NR6A1: variants seen among roughly 807,000 people sequenced by gnomAD.
The protein encoded by NR6A1 is retinoic acid receptor-related testis-associated receptor.
Under a neutral mutation model 59.1 loss-of-function variants are expected in NR6A1, and 7 were observed. The ratio of observed to expected loss-of-function variants is 0.12; its 90% CI spans 0.07 to 0.22. The LOEUF (loss-of-function observed/expected upper bound fraction) is 0.22, where lower values mean the gene tolerates loss of function less well. Among genes scored for constraint, NR6A1 ranks in the 10% least tolerant of loss-of-function variants. The pLI is 1.00. For missense variants in NR6A1, 468 were observed against 611.6 expected (o/e 0.77, Z 2.48); for synonymous variants, 243 against 236.1 (o/e 1.03, Z -0.27).
chr9:124,745,100 G>A (rs1426279003), intron 1 of NR6A1, among the ~76,000 whole-genome samples: 2 of 152,054 alleles, frequency 1.3e-5, no homozygotes, highest in Non-Finnish European at 2.9e-5. Context: ...TCAAACACAG[G>A]AAAATGATTA....
chr9:124,652,084 C>T (rs1293590118), intron 2 of NR6A1, among the ~76,000 whole-genome samples: 3 of 152,136 alleles, frequency 2.0e-5, no homozygotes, highest in East Asian at 1.9e-4. Flanking sequence ...TATTGAAAAG[C>T]GACTGCATGA....
chr9:124,642,584 C>T (rs1159534808), intron 2 of NR6A1, among the ~76,000 whole-genome samples: 4 of 152,184 alleles, frequency 2.6e-5, no homozygotes, highest in African/African-American at 9.7e-5. Context: ...TTTCTATCCC[C>T]TGTCGTGACA....
intron 2 of NR6A1, among the ~76,000 whole-genome samples, chr9:124,723,519 A>G (rs894907131): frequency 6.6e-6 from 1 of 152,218 alleles, no homozygotes; most frequent in Non-Finnish European, 1.5e-5. Flanking sequence ...GAACACGCCC[A>G]ATCTCATCTG....
At chr9:124,721,004 A>C (rs1241446443) in intron 2 of NR6A1, among the ~76,000 whole-genome samples, 1 of 152,226 alleles carries the variant, frequency 6.6e-6, no homozygotes, top group Non-Finnish European at 1.5e-5. Flanking sequence ...ATGTTTATTA[A>C]AAGTCTTTGT....
chr9:124,724,706 G>A (rs930363885), intron 2 of NR6A1, among the ~76,000 whole-genome samples: 1 of 152,196 alleles, frequency 6.6e-6, no homozygotes, highest in African/African-American at 2.4e-5. Context: ...TTCTGAAATA[G>A]ATAATAAGAG....
At chr9:124,724,404 T>A (rs1839652385) in intron 2 of NR6A1, among the ~76,000 whole-genome samples, 1 of 147,692 alleles carries the variant, frequency 6.8e-6, no homozygotes, top group Admixed American at 6.7e-5. Context: ...TACACCAAGA[T>A]CCTCAACCAG....
At chr9:124,705,352 T>C (rs1037412260) in intron 2 of NR6A1, among the ~76,000 whole-genome samples, 7 of 152,342 alleles carry the variant, frequency 4.6e-5, no homozygotes, top group Admixed American at 3.9e-4. Context: ...TCTGTCAGTT[T>C]TTGCTTCGTG....
intron 2 of NR6A1, among the ~76,000 whole-genome samples, chr9:124,593,263 G>C (rs1475012988): frequency 6.6e-6 from 1 of 152,194 alleles, no homozygotes; most frequent in Non-Finnish European, 1.5e-5. Context: ...TAGCTCAGTT[G>C]AAGTTTCGAG....
intron 2 of NR6A1, among the ~76,000 whole-genome samples, chr9:124,587,406 A>G (rs1466638793): frequency 6.6e-6 from 1 of 152,210 alleles, no homozygotes; most frequent in East Asian, 1.9e-4. Flanking sequence ...TCCAGATGAC[A>G]AACTGGTGAG....
chr9:124,574,183 G>C (rs1237100639), intron 2 of NR6A1, among the ~76,000 whole-genome samples: 2 of 152,324 alleles, frequency 1.3e-5, no homozygotes, highest in East Asian at 3.9e-4. Flanking sequence ...ACTTAGCAAA[G>C]TAGGTGCTCA....
intron 2 of NR6A1, among the ~76,000 whole-genome samples, chr9:124,618,078 G>A (rs998051595): frequency 2.0e-5 from 3 of 152,168 alleles, no homozygotes; most frequent in African/African-American, 7.2e-5. Context: ...GAATGGAAAG[G>A]GCAAACCTAC....
intron 2 of NR6A1, among the ~76,000 whole-genome samples, chr9:124,679,930 A>G (rs1179787238): frequency 6.6e-6 from 1 of 151,962 alleles, no homozygotes; most frequent in Non-Finnish European, 1.5e-5. Flanking sequence ...AAGAGTTTAA[A>G]AAAAGACCTA....
At chr9:124,673,087 C>T (rs1837844615) in intron 2 of NR6A1, among the ~76,000 whole-genome samples, 1 of 152,062 alleles carries the variant, frequency 6.6e-6, no homozygotes, top group African/African-American at 2.4e-5. Flanking sequence ...TTTGAGAGGC[C>T]AAGGCTAGCG....
chr9:124,688,439 A>G (rs953871756), intron 2 of NR6A1, among the ~76,000 whole-genome samples: 2 of 152,276 alleles, frequency 1.3e-5, no homozygotes, highest in African/African-American at 4.8e-5. Flanking sequence ...GCGAAAACGC[A>G]TATAATGAGG....
intron 6 of NR6A1, among the ~76,000 whole-genome samples, chr9:124,537,398 G>T (rs1286338094): frequency 1.3e-5 from 2 of 152,106 alleles, no homozygotes; most frequent in Non-Finnish European, 2.9e-5. Context: ...CCTACATCTA[G>T]ATTTACAAAG....
rs1040575529 is a variant in NR6A1, at chr9:124,585,148, T to C, written c.143-30578A>G. ...AAGGCCCTAACTCTCTTCAATTCTA[T>C]GATGGTTGAGAGAGGTGAGGAAGCT... is the stretch of plus-strand genomic sequence containing the variant. On this transcript the variant is annotated intron_variant, in intron 2 of 9. Transcript: ENST00000487099. 2.0e-5 allele frequency among the ~76,000 whole-genome samples: 3 copies of C among 152,106 alleles called. No individual in the cohort carries two copies. In the East Asian group the frequency reaches 5.8e-4, roughly 29 times the overall value.
At chr9:124,674,196 G>A (rs766257580) in intron 2 of NR6A1, among the ~76,000 whole-genome samples, 7 of 152,098 alleles carry the variant, frequency 4.6e-5, no homozygotes, top group Admixed American at 1.3e-4. Flanking sequence ...CTGTAAAATG[G>A]AGACCAATTC....
chr9:124,758,153 C>T (rs1840687651), intron 1 of NR6A1, among the ~76,000 whole-genome samples: 1 of 142,398 alleles, frequency 7.0e-6, no homozygotes, highest in Non-Finnish European at 1.5e-5. Flanking sequence ...TGTATTTTCC[C>T]ACATTAGGTG....
intron 1 of NR6A1, among the ~76,000 whole-genome samples, chr9:124,742,776 T>A (rs1036870230): frequency 1.1e-4 from 17 of 151,674 alleles, no homozygotes; most frequent in African/African-American, 3.9e-4. Flanking sequence ...CTCAAGAGGC[T>A]GAGGCAGGAG....
Sources: allele counts gnomAD v4.1 joint callset (sites outside exome capture counted in the v4.1 genomes callset), GRCh38; gene constraint gnomAD v4.1.1; transcripts MANE v1.5; gene names NCBI Gene and HGNC (gene_info 2026-07-23, HGNC 2026-07-21).